Variants in CLUH observed in about 807,000 individuals in gnomAD.
The protein encoded by CLUH is clustered mitochondria protein homolog.
In CLUH, 77 loss-of-function variants were observed where a neutral mutation model predicts 139.3. That is an observed-to-expected ratio of 0.55 (90% CI 0.46 to 0.67). The LOEUF (loss-of-function observed/expected upper bound fraction) is 0.67, where lower values mean the gene tolerates loss of function less well. Ranked by LOEUF, CLUH falls within the 30% of genes least tolerant of loss-of-function variation. CLUH has a pLI of 0.00. For synonymous variants in CLUH, 999 were observed against 801.6 expected (o/e 1.25, Z -4.16); for missense variants, 1,876 against 1,875.8 (o/e 1.00, Z 0.00).
At position 2,695,084 on chromosome 17, in the gene CLUH, G is replaced by A. The variant is rs1243969485; in HGVS notation, c.2625C>T (p.Gly875=). The A allele has an allele frequency of 6.2e-7, 1 of 1,612,262 alleles. No individual in the cohort carries two copies. Among genetic ancestry groups the A allele is most frequent in the Non-Finnish European group, 8.5e-7 (1 of 1,179,172 alleles). Residue 875 remains glycine, a synonymous_variant, in exon 16 of 26, where the codon GGC becomes GGT. Transcript: ENST00000651024. ...KTYLQGVELS[G]LSAAISHFLN... ...GGAAGTGGCTGATGGCGGCTGAGAG[G>A]CCGGAGAGCTCGACTCCCTGCGAGG... is the stretch of plus-strand genomic sequence containing the variant.
chr17:2,691,922 C>CCCCCCCGTG (rs761794498), intron 23 of CLUH, 27 bp from the exon 24 acceptor site: 5 of 71,584 alleles, frequency 7.0e-5, no homozygotes, highest in African/African-American at 3.9e-4. Context: ...AGGGATCAGG[C>CCCCCCCGTG]CCCCCCGTGC....
intron 15 of CLUH, 28 bp downstream of exon 15, chr17:2,695,190 G>A (rs763888457): frequency 6.2e-6 from 10 of 1,613,874 alleles, no homozygotes; most frequent in Non-Finnish European, 8.5e-6. Context: ...GGGAGGCCAT[G>A]GCCAGCCGCA....
chr17:2,711,506 C>T (rs1400194646), intron 1 of CLUH, 56 bp downstream of exon 1: 1 of 399,408 alleles, frequency 2.5e-6, no homozygotes, highest in Non-Finnish European at 3.4e-6. Flanking sequence ...CCCGAACCCG[C>T]CCGCCCTGGT....
intron 19 of CLUH, among the ~76,000 whole-genome samples, chr17:2,693,691 C>T (rs775226975): frequency 5.9e-5 from 9 of 152,188 alleles, no homozygotes; most frequent in Non-Finnish European, 1.3e-4. Flanking sequence ...GCCATCGCCT[C>T]CCAGAACTGA....
rs548922441 is a variant in CLUH, at chr17:2,691,664, C to G, written c.3808G>C (p.Ala1270Pro). Reference protein sequence around the residue: ...PPLKFTAPSMASVLEQLNVIN... With the variant: ...PPLKFTAPSMPSVLEQLNVIN... Reference sequence around the variant, plus strand: ...ACGTTCAGCTGCTCCAAGACGCTGGCCATGCTGGGGGCCGTGAACTGCGGG... The same window carrying G: ...ACGTTCAGCTGCTCCAAGACGCTGGGCATGCTGGGGGCCGTGAACTGCGGG... The change falls in exon 25 of 26, where the codon GCC becomes CCC. Residue 1270 changes from alanine to proline, a missense_variant. By Grantham distance (27) the Ala-to-Pro change is conservative. Around this residue, in one of 3 missense-constraint regions of CLUH, gnomAD observed 1,454 missense variants for 1,384.4 expected, o/e 1.05. Coordinates refer to ENST00000651024, the MANE Select transcript of CLUH (RefSeq NM_001366661.1). 7.4e-6 allele frequency: 12 copies of G among 1,612,502 alleles called. No individual in the cohort carries two copies. In the Admixed American group the frequency reaches 8.3e-5, roughly 11 times the overall value.
At position 2,700,686 on chromosome 17, in the gene CLUH, G is replaced by A. The variant is rs1429216828; in HGVS notation, c.1165C>T (p.Pro389Ser). ...GGCCAGGTTGCAGGCACCTGTCCAG[G>A]AATGTGCTCCTCATAGCCCAGCCTC... Reference protein sequence around the residue: ...TSRLGYEEHIPGQTRDWNEEL... With the variant: ...TSRLGYEEHISGQTRDWNEEL... The change falls in exon 8 of 26, where the codon CCT becomes TCT. Residue 389 changes from proline to serine, a missense_variant. Physicochemically the swap from Pro to Ser is moderately conservative, Grantham distance 74 (BLOSUM62 -1). Transcript: ENST00000651024. 1 of 1,527,462 alleles carries A rather than the reference G, an allele frequency of 6.5e-7. No individual in the cohort carries two copies. The highest frequency in any genetic ancestry group is 1.4e-5 in the African/African-American group (1 of 72,158). The allele number at this position is 1,527,462 out of a possible 1,614,324, so 94.6% of individuals were successfully genotyped here. A position where few individuals can be genotyped will look rare whatever the true frequency, so the allele number is the denominator to read the frequency against.
intron 24 of CLUH, 35 bp downstream of exon 24, chr17:2,691,726 G>T (rs765200893): frequency 1.2e-6 from 2 of 1,602,254 alleles, no homozygotes; most frequent in Non-Finnish European, 1.7e-6. Context: ...TCCCGCGCTC[G>T]CCGGGCCGGA....
chr17:2,697,241 T>C (rs2069985736), intron 10 of CLUH, among the ~76,000 whole-genome samples: 1 of 151,570 alleles, frequency 6.6e-6, no homozygotes, highest in South Asian at 2.1e-4. Context: ...CTACTAAAAA[T>C]ACAAAAAATT....
Position 2,696,930 on chromosome 17 carries a change from A to C in CLUH, c.1974T>G (p.Phe658Leu). Residue 658 changes from phenylalanine to leucine, a missense_variant, in exon 11 of 26, where the codon TTT becomes TTG. By Grantham distance (22) the Phe-to-Leu change is conservative (BLOSUM62 0). Around this residue, in one of 3 missense-constraint regions of CLUH, gnomAD observed 1,454 missense variants for 1,384.4 expected, o/e 1.05. Coordinates refer to ENST00000651024, the MANE Select transcript of CLUH (RefSeq NM_001366661.1). ...DAFVEHRYLL[F>L]MKLAALQLMQ... ...TCAGCTGCAAGGCGGCCAGCTTCATAAAGAGGAGGTACCTGGAGCAGAGGA... is the reference window on the plus strand; with the variant it reads ...TCAGCTGCAAGGCGGCCAGCTTCATCAAGAGGAGGTACCTGGAGCAGAGGA... 1 of 1,590,836 alleles carries C rather than the reference A, an allele frequency of 6.3e-7. No homozygotes were observed. Among genetic ancestry groups the C allele is most frequent in the South Asian group, 1.1e-5 (1 of 87,518 alleles).
intron 11 of CLUH, 53 bp downstream of exon 11, chr17:2,696,666 C>T (rs1485803537): frequency 6.3e-7 from 1 of 1,595,226 alleles, no homozygotes; most frequent in Non-Finnish European, 8.5e-7. Context: ...GGTCATAAGC[C>T]ACCCTGGCAG....
Position 2,698,860 on chromosome 17 carries a change from A to G in CLUH, c.1267-270T>C, listed in dbSNP as rs564324039. ...CGAGTTCGAGACCAGCCTGACCAATATGGTGAAACCCCATCTCTAATAAAA... is the reference window on the plus strand; with the variant it reads ...CGAGTTCGAGACCAGCCTGACCAATGTGGTGAAACCCCATCTCTAATAAAA... On this transcript the variant is annotated intron_variant, in intron 9 of 25. Transcript: ENST00000651024. Among the ~76,000 whole-genome samples the G allele has an allele frequency of 1.3e-3, 198 of 152,226 alleles. 1 individual carries two copies. The highest frequency in any genetic ancestry group is 1.8e-3 in the Non-Finnish European group (121 of 68,012).
chr17:2,691,882 T>C lies in CLUH; in HGVS notation c.3668A>G (p.His1223Arg). 2 of 1,538,438 alleles carry C rather than the reference T, an allele frequency of 1.3e-6. No homozygotes were observed. The highest frequency in any genetic ancestry group is 2.0e-5 in the Admixed American group (1 of 50,766). ...CTCGGAGCTTTCCTTGGTCTTCTCA[T>C]GGTCCTCGCCCAGCTGCGGGGAGGC... ...TIYKTQLGED[H>R]EKTKESSEYL... The change falls in exon 24 of 26, where the codon CAT becomes CGT. Residue 1223 changes from histidine to arginine, a missense_variant. His to Arg is a conservative substitution (Grantham distance 29). Transcript: ENST00000651024.
rs181923267 is a variant in CLUH at position 2,694,501 on chromosome 17, G to A, written c.2916C>T (p.Ile972=). The A allele has an allele frequency of 6.3e-7, 1 of 1,582,760 alleles. No homozygotes were observed. Among genetic ancestry groups the A allele is most frequent in the Admixed American group, 1.8e-5 (1 of 55,432 alleles). ...GLQKITLLRE[I]SLKTGIQVLL... ...CCACCTGGATCCCTGTTTTCAGCGA[G>A]ATCTCCCGCAGGAGCGTTATCTTCT... Residue 972 remains isoleucine (I), a synonymous_variant, in exon 17 of 26, where the codon ATC becomes ATT. Transcript: ENST00000651024.
rs1004145703 is a variant in CLUH, at chr17:2,703,539, A to T, written c.304-50T>A. ...CCCGGTGAGAGAGCACGTAGCGGGGAGAGAAGGCCCCAACCGCCCCGGTGA... is the reference window on the plus strand; with the variant it reads ...CCCGGTGAGAGAGCACGTAGCGGGGTGAGAAGGCCCCAACCGCCCCGGTGA... On this transcript the variant is annotated intron_variant, in intron 2 of 25. Coordinates refer to ENST00000651024, the MANE Select transcript of CLUH (RefSeq NM_001366661.1). This position sits in a 1 kb window ranked among gnomAD's most constrained non-coding sequence, Gnocchi z 4.2. The T allele has an allele frequency of 6.3e-7, 1 of 1,582,986 alleles. No homozygotes were observed. Among genetic ancestry groups the T allele is most frequent in the Admixed American group, 1.7e-5 (1 of 59,278 alleles).
Position 2,690,833 on chromosome 17 carries a change from C to T in CLUH, c.3864-56G>A, listed in dbSNP as rs2069597076. ...CTCAGAGGAGTCCTGGGGGCTCCAC[C>T]CGCCTCCCGGCTTTCCTGTGGGATA... On this transcript the variant is annotated intron_variant, in intron 25 of 25. Coordinates refer to ENST00000651024, the MANE Select transcript of CLUH (RefSeq NM_001366661.1). 9 of 1,340,120 alleles carry T rather than the reference C, an allele frequency of 6.7e-6. No individual in the cohort carries two copies. In the South Asian group the frequency reaches 1.2e-4, roughly 18 times the overall value. The allele number at this position is 1,340,120 out of a possible 1,614,324, so 83.0% of individuals were successfully genotyped here.
At position 2,706,246 on chromosome 17, in the gene CLUH, G is replaced by A. The variant is rs1002619151; in HGVS notation, c.101-1682C>T. 9.2e-5 allele frequency among the ~76,000 whole-genome samples: 14 copies of A among 152,114 alleles called. No individual in the cohort carries two copies. Among genetic ancestry groups the A allele is most frequent in the East Asian group, 1.9e-4 (1 of 5,194 alleles). On this transcript the variant is annotated intron_variant, in intron 1 of 25. Transcript: ENST00000651024. This position sits in a 1 kb window ranked among gnomAD's most constrained non-coding sequence, Gnocchi z 4.6. ...AGGCCAGTACGGAAAGGCAGAGACC[G>A]GGGGGCCTGGAGAGAGTCGCTCCCT...
rs542739464 is a variant in CLUH at position 2,691,407 on chromosome 17, C to T, written c.3863+202G>A. The T allele has an allele frequency of 1.6e-4, 93 of 572,662 alleles. 1 individual carries two copies. Among genetic ancestry groups the T allele is most frequent in the African/African-American group, 1.4e-3 (74 of 53,210 alleles). The allele number at this position is 572,662 out of a possible 1,614,324, so 35.5% of individuals were successfully genotyped here. On this transcript the variant is annotated intron_variant, in intron 25 of 25. Coordinates refer to ENST00000651024, the MANE Select transcript of CLUH (RefSeq NM_001366661.1). ...TGAAACCCCATCTCTACTACAAACA[C>T]AAAAATGAGCCGGGCGAGGTGGCGG...
rs2070265053 is a variant in CLUH at position 2,703,894 on chromosome 17, C to T, written c.304-405G>A. ...CCTTCCAGAAGGGGTGCTCTGGGGCCCAAGCCTGCGGGTGCCGAGACATAC... is the reference window on the plus strand; with the variant it reads ...CCTTCCAGAAGGGGTGCTCTGGGGCTCAAGCCTGCGGGTGCCGAGACATAC... On this transcript the variant is annotated intron_variant, in intron 2 of 25. Coordinates refer to ENST00000651024, the MANE Select transcript of CLUH (RefSeq NM_001366661.1). The surrounding 1 kb of genome is among the most constrained non-coding windows in gnomAD (Gnocchi z 4.2). 6.6e-6 allele frequency among the ~76,000 whole-genome samples: 1 copy of T among 152,270 alleles called. No individual in the cohort carries two copies. The highest frequency in any genetic ancestry group is 1.9e-4 in the East Asian group (1 of 5,164).
At chr17:2,690,799 G>A (rs2069594850) in intron 25 of CLUH, 22 bp from the exon 26 acceptor site, 2 of 1,466,852 alleles carry the variant, frequency 1.4e-6, no homozygotes, top group East Asian at 2.6e-5. Context: ...GGTGGGGATG[G>A]AGGTGGCTCT....
Sources: gnomAD v4.1 joint callset for allele counts (sites outside exome capture counted in the v4.1 genomes callset) on GRCh38, gnomAD v4.1.1 for gene constraint, gnomAD v4.1.1 regional missense constraint, Gnocchi (gnomAD v3.1) non-coding constraint, MANE v1.5 for transcripts, NCBI Gene and HGNC (gene_info 2026-07-23, HGNC 2026-07-21) for gene names.